The following ACTMAP variants were observed in gnomAD, a reference collection of about 807,000 sequenced individuals.
ACTMAP encodes actin maturation protease.
the ACTMAP span, chr19:40,744,613 G>C: frequency 1.3e-5 from 21 of 1,613,874 alleles, no homozygotes; most frequent in Non-Finnish European, 1.7e-5. Flanking sequence ...ACCCGTATGA[G>C]TCTCTCCAGG....
the ACTMAP span, chr19:40,745,126 A>G: frequency 6.4e-7 from 1 of 1,551,924 alleles, no homozygotes; most frequent in African/African-American, 1.4e-5. Flanking sequence ...ATCAGGGCAC[A>G]TACTGAGGGC....
At chr19:40,742,138 G>T in the ACTMAP span, 2 of 594,800 alleles carry the variant, frequency 3.4e-6, no homozygotes, top group Non-Finnish European at 3.2e-6. Flanking sequence ...GAGAAGCAGA[G>T]GGCCCAGGCA....
the ACTMAP span, chr19:40,744,038 G>A: frequency 1.9e-6 from 3 of 1,614,000 alleles, no homozygotes; most frequent in Admixed American, 1.7e-5. Context: ...TGCCACCCCT[G>A]CCCTCCTCTC....
At chr19:40,744,482 G>A in the ACTMAP span, 60 of 1,572,898 alleles carry the variant, frequency 3.8e-5, no homozygotes, top group Middle Eastern at 2.2e-4. Flanking sequence ...CCTGACACAC[G>A]GCTGCCAGCA....
the ACTMAP span, chr19:40,749,490 T>C: frequency 6.5e-7 from 1 of 1,544,448 alleles, no homozygotes; most frequent in Non-Finnish European, 8.7e-7. Flanking sequence ...CCGGTCCTTG[T>C]GTAGTTTCAG....
the ACTMAP span, chr19:40,742,901 G>A: frequency 2.3e-6 from 2 of 867,484 alleles, no homozygotes; most frequent in Non-Finnish European, 3.5e-6. Flanking sequence ...GGTGACGTTA[G>A]TGGTGGCCAG....
the ACTMAP span, among the ~76,000 whole-genome samples, chr19:40,746,165 T>C: frequency 5.3e-5 from 8 of 152,276 alleles, no homozygotes; most frequent in African/African-American, 1.9e-4. Flanking sequence ...CTTTGTACCC[T>C]GGGGGAGGCC....
chr19:40,748,707 C>G, the ACTMAP span, among the ~76,000 whole-genome samples: 2 of 152,210 alleles, frequency 1.3e-5, no homozygotes, highest in Non-Finnish European at 2.9e-5. Context: ...TTTGCCACTT[C>G]CCCCGGCAAG....
chr19:40,742,517 C>G, the ACTMAP span: 2 of 1,545,786 alleles, frequency 1.3e-6, no homozygotes, highest in Non-Finnish European at 1.7e-6. Flanking sequence ...CCACGTACAC[C>G]CGGCCGTCAG....
At chr19:40,748,984 CTTT>C in the ACTMAP span, among the ~76,000 whole-genome samples, 1 of 102,528 alleles carries the variant, frequency 9.8e-6, no homozygotes, top group Non-Finnish European at 1.9e-5. Context: ...GGCATTTGCT[CTTT>C]TTTTTTTTTT....
the ACTMAP span, chr19:40,744,472 C>T: frequency 1.3e-6 from 2 of 1,554,040 alleles, no homozygotes; most frequent in South Asian, 2.3e-5. Context: ...AATGAGACAC[C>T]CTGACACACG....
the ACTMAP span, among the ~76,000 whole-genome samples, chr19:40,745,672 T>C: frequency 1.3e-5 from 2 of 152,016 alleles, no homozygotes; most frequent in Non-Finnish European, 2.9e-5. Flanking sequence ...GCTAGTTCTT[T>C]TTATTTTATT....
At chr19:40,744,664 A>G in the ACTMAP span, 1 of 1,612,018 alleles carries the variant, frequency 6.2e-7, no homozygotes, top group African/African-American at 1.3e-5. Context: ...CCTGCCATCC[A>G]CAAGGCCACC....
the ACTMAP span, chr19:40,744,197 C>T: frequency 6.4e-7 from 1 of 1,569,720 alleles, no homozygotes; most frequent in Non-Finnish European, 8.6e-7. Flanking sequence ...ATATCGGCCA[C>T]TGCAGGGTGA....
At chr19:40,742,604 C>T in the ACTMAP span, 1 of 1,610,934 alleles carries the variant, frequency 6.2e-7, no homozygotes, top group Non-Finnish European at 8.5e-7. Context: ...GCTGATAGTG[C>T]CAACTCTTGC....
chr19:40,749,836 G>A, the ACTMAP span: 3 of 1,366,736 alleles, frequency 2.2e-6, no homozygotes, highest in South Asian at 1.6e-5. Flanking sequence ...GAGAGGTTCA[G>A]AAAGCGGGGA....
the ACTMAP span, chr19:40,741,124 C>G: frequency 2.5e-6 from 1 of 400,182 alleles, no homozygotes; most frequent in East Asian, 3.6e-5. Flanking sequence ...CACGCATCCT[C>G]TTTACCCTGA....
At chr19:40,743,225 C>A in the ACTMAP span, among the ~76,000 whole-genome samples, 1 of 128,150 alleles carries the variant, frequency 7.8e-6, no homozygotes, top group Non-Finnish European at 1.6e-5. Context: ...ACACGCCAAG[C>A]CCTGTTCTAT....
the ACTMAP span, chr19:40,749,723 T>A: frequency 2.0e-6 from 3 of 1,510,964 alleles, no homozygotes; most frequent in East Asian, 2.5e-5. Context: ...GAGGAGGAGA[T>A]GGAATGCTGC....
Sources: gnomAD v4.1 joint callset for allele counts (sites outside exome capture counted in the v4.1 genomes callset) on GRCh38, gnomAD v4.1.1 for gene constraint, MANE v1.5 for transcripts, NCBI Gene and HGNC (gene_info 2026-07-23, HGNC 2026-07-21) for gene names.